IL7: variants seen among roughly 807,000 people sequenced by gnomAD.
IL7 encodes interleukin-7.
Under a neutral mutation model 21.6 loss-of-function variants are expected in IL7, and 3 were observed. That is an observed-to-expected ratio of 0.14 (90% CI 0.06 to 0.36). IL7 has a LOEUF of 0.36. Ranked by LOEUF, IL7 falls within the 10% of genes least tolerant of loss-of-function variation. IL7 has a pLI of 1.00. For missense variants in IL7, 175 were observed against 200.2 expected, an observed-to-expected ratio of 0.87 and a Z score of 0.76; for synonymous variants, 62 against 68.1, an observed-to-expected ratio of 0.91 and a Z score of 0.44.
rs372896908 is a variant in IL7, at chr8:78,698,455, G to A, written n.215-12508C>T. 6.8e-6 allele frequency: 11 copies of A among 1,613,066 alleles called. No homozygotes were observed. In the African/African-American group the frequency reaches 1.5e-4, roughly 22 times the overall value. ...AGTGTCTTCAAGTAGCAGCTCTTTG[G>A]GAAACAAACTTCAGACCTTATCTCC... On this transcript the variant is annotated intron_variant and non_coding_transcript_variant, in intron 3 of 4. Transcript: ENST00000523959.
At chr8:78,699,111 A>C (rs545127289) in intron 3 of IL7, among the ~76,000 whole-genome samples, 1 of 91,166 alleles carries the variant, frequency 1.1e-5, no homozygotes, top group East Asian at 3.2e-4. Flanking sequence ...TATGTATATA[A>C]ATTTTAATAA....
At chr8:78,696,097 T>C (rs1586009665) in intron 3 of IL7, among the ~76,000 whole-genome samples, 1 of 152,070 alleles carries the variant, frequency 6.6e-6, no homozygotes, top group Non-Finnish European at 1.5e-5. Flanking sequence ...TGCAGTGGCG[T>C]GATCTCGGCT....
At chr8:78,714,307 TA>T (rs1811033548), downstream of IL7, among the ~76,000 whole-genome samples, 1 of 152,154 alleles carries the variant, frequency 6.6e-6, no homozygotes, top group South Asian at 2.1e-4. Flanking sequence ...ATTATTAGGA[TA>T]AATAAATTTC....
chr8:78,791,040 G>C (rs1283940565), intron 2 of IL7, among the ~76,000 whole-genome samples: 1 of 152,120 alleles, frequency 6.6e-6, no homozygotes, highest in Non-Finnish European at 1.5e-5. Context: ...AAATGGAATT[G>C]GAGAGTCCAG....
At chr8:78,697,975 C>A (rs113540675) in intron 3 of IL7, among the ~76,000 whole-genome samples, 1 of 151,948 alleles carries the variant, frequency 6.6e-6, no homozygotes, top group Non-Finnish European at 1.5e-5. Flanking sequence ...ACCGTGGTGC[C>A]GAGCCACTTT....
At chr8:78,787,441 C>T (rs1379737222) in intron 2 of IL7, among the ~76,000 whole-genome samples, 1 of 152,142 alleles carries the variant, frequency 6.6e-6, no homozygotes, top group Non-Finnish European at 1.5e-5. Context: ...TAGAAGTCTC[C>T]TATGTTGATT....
intron 3 of IL7, among the ~76,000 whole-genome samples, chr8:78,707,162 A>G (rs1810799373): frequency 6.6e-6 from 1 of 152,200 alleles, no homozygotes; most frequent in South Asian, 2.1e-4. Context: ...ATTGGCCTCC[A>G]TGTTAGGTAA....
intron 3 of IL7, among the ~76,000 whole-genome samples, chr8:78,688,851 ATTAC>A (rs1170431298): frequency 6.6e-6 from 1 of 152,140 alleles, no homozygotes; most frequent in Non-Finnish European, 1.5e-5. Flanking sequence ...GTCATGTATT[ATTAC>A]TTCCTAACTA....
chr8:78,712,145 A>T, intron 3 of IL7: 1 of 1,171,514 alleles, frequency 8.5e-7, no homozygotes, highest in East Asian at 5.7e-5. Flanking sequence ...TATTTTTCAG[A>T]TATTTCCTTA....
chr8:78,757,326 C>A (rs957104379), intron 2 of IL7, among the ~76,000 whole-genome samples: 1 of 151,906 alleles, frequency 6.6e-6, no homozygotes, highest in Non-Finnish European at 1.5e-5. Flanking sequence ...TCCTGAAGAA[C>A]GTTCCATGTG....
intron 3 of IL7, chr8:78,698,275 C>A: frequency 1.6e-6 from 1 of 638,004 alleles, no homozygotes; most frequent in Non-Finnish European, 2.6e-6. Context: ...CTGGAAATGC[C>A]ATTTAAAAAA....
At chr8:78,757,024 T>C (rs1046068110) in intron 2 of IL7, among the ~76,000 whole-genome samples, 28 of 151,986 alleles carry the variant, frequency 1.8e-4, no homozygotes, top group African/African-American at 6.8e-4. Context: ...AGATGGCTAT[T>C]GCTATAACAT....
At chr8:78,715,318 T>G, downstream of IL7, 1 of 1,612,176 alleles carries the variant, frequency 6.2e-7, no homozygotes, top group South Asian at 1.1e-5. Context: ...TACTGAGAGC[T>G]ACATAGCCAG....
chr8:78,739,987 A>AAT lies in IL7; in HGVS notation c.228+13_228+14dup, dbSNP rs756161692. The AAT allele has an allele frequency of 1.3e-6, 2 of 1,504,882 alleles. No homozygotes were observed. Among genetic ancestry groups the AAT allele is most frequent in the Admixed American group, 2.6e-5 (1 of 38,202 alleles). 93.2% of individuals were successfully genotyped at this position (1,504,882 alleles called of 1,614,324 possible). On this transcript the variant is annotated intron_variant, in intron 3 of 5. Coordinates refer to ENST00000263851, the MANE Select transcript of IL7 (RefSeq NM_000880.4). ...AATCAAGCTTGAATGACAAACTCCA[A>AAT]ATAATTATCATTACCTTATTAGCAT...
intron 2 of IL7, among the ~76,000 whole-genome samples, chr8:78,755,918 G>C (rs1812330651): frequency 6.6e-6 from 1 of 151,938 alleles, no homozygotes; most frequent in South Asian, 2.1e-4. Flanking sequence ...GTTATTATAA[G>C]AAAGACTTTC....
chr8:78,712,499 A>G (rs571083078), intron 3 of IL7, among the ~76,000 whole-genome samples: 1 of 152,312 alleles, frequency 6.6e-6, no homozygotes, highest in Admixed American at 6.5e-5. Flanking sequence ...TCTCTTAGAT[A>G]AGCCGATGGT....
At chr8:78,778,827 C>T (rs1163114886) in intron 2 of IL7, among the ~76,000 whole-genome samples, 1 of 152,128 alleles carries the variant, frequency 6.6e-6, no homozygotes, top group Non-Finnish European at 1.5e-5. Context: ...CTATAAATTA[C>T]TTTGGGCAGT....
At chr8:78,787,980 T>C (rs1813566242) in intron 2 of IL7, among the ~76,000 whole-genome samples, 1 of 152,168 alleles carries the variant, frequency 6.6e-6, no homozygotes, top group East Asian at 1.9e-4. Flanking sequence ...TTCTCCTAGA[T>C]TTTGGTGGCT....
chr8:78,742,906 G>A (rs994127324), intron 2 of IL7, among the ~76,000 whole-genome samples: 8 of 152,050 alleles, frequency 5.3e-5, no homozygotes, highest in Admixed American at 1.3e-4. Context: ...AAAAGCCCCA[G>A]TGTGTATTGT....
Sources: allele counts gnomAD v4.1 joint callset (sites outside exome capture counted in the v4.1 genomes callset), GRCh38; gene constraint gnomAD v4.1.1; transcripts MANE v1.5; gene names NCBI Gene and HGNC (gene_info 2026-07-23, HGNC 2026-07-21).